AP3B1: variants seen among roughly 807,000 people sequenced by gnomAD.
AP3B1 encodes the protein adaptor related protein complex 3 subunit beta 1.
In AP3B1, 61 loss-of-function variants were observed where a neutral mutation model predicts 132.5. The observed-to-expected ratio is 0.46, with a 90% confidence interval of 0.37 to 0.57. AP3B1 has a LOEUF of 0.57. Ranked by LOEUF, AP3B1 falls within the 20% of genes least tolerant of loss-of-function variation. The pLI, the probability that AP3B1 is intolerant of heterozygous loss-of-function variation, is 0.00. For synonymous variants in AP3B1, 388 were observed against 438.3 expected, an observed-to-expected ratio of 0.89 and a Z score of 1.43; for missense variants, 1,120 against 1,289.4, an observed-to-expected ratio of 0.87 and a Z score of 2.01.
At chr5:78,239,123 A>G (rs1048351632) in intron 3 of AP3B1, among the ~76,000 whole-genome samples, 2 of 152,102 alleles carry the variant, frequency 1.3e-5, no homozygotes, top group African/African-American at 4.8e-5. Context: ...TATGCCTAAT[A>G]GGAGTACTTT....
chr5:78,003,112 G>T, intron 26 of AP3B1, 57 bp from the exon 27 acceptor site: 1 of 1,563,844 alleles, frequency 6.4e-7, no homozygotes, highest in Non-Finnish European at 8.8e-7. Context: ...AAAGGAGATA[G>T]CATACATTCA....
At chr5:78,038,315 T>TCTATA (rs1344415782) in intron 23 of AP3B1, among the ~76,000 whole-genome samples, 11 of 152,202 alleles carry the variant, frequency 7.2e-5, no homozygotes, top group African/African-American at 2.7e-4. Context: ...TACTGTATAT[T>TCTATA]CTATACATGG....
chr5:78,019,591 C>T (rs1475141903), intron 25 of AP3B1, among the ~76,000 whole-genome samples: 1 of 152,088 alleles, frequency 6.6e-6, no homozygotes, highest in Non-Finnish European at 1.5e-5. Context: ...TAATTTTCCT[C>T]TATAGCAATA....
chr5:78,132,182 C>T (rs1167006407), intron 15 of AP3B1, among the ~76,000 whole-genome samples: 1 of 152,124 alleles, frequency 6.6e-6, no homozygotes, highest in Non-Finnish European at 1.5e-5. Flanking sequence ...GCTGAATAAG[C>T]AGTTTGTTCG....
chr5:78,205,499 T>C (rs528958936), intron 7 of AP3B1, among the ~76,000 whole-genome samples: 41 of 152,062 alleles, frequency 2.7e-4, no homozygotes, highest in Non-Finnish European at 4.7e-4. Flanking sequence ...TAAACTTTAC[T>C]GGCCCCTAAA....
chr5:78,153,102 T>C (rs1043099209), intron 14 of AP3B1, among the ~76,000 whole-genome samples: 4 of 152,214 alleles, frequency 2.6e-5, no homozygotes, highest in African/African-American at 9.7e-5. Context: ...TGGTATTCTG[T>C]CTGGAAGATC....
rs34733864 is a variant in AP3B1, at chr5:78,191,354, C to CAAAAAAA, written c.787-9699_787-9693dup. 1.4e-3 allele frequency among the ~76,000 whole-genome samples: 100 copies of CAAAAAAA among 72,832 alleles called. 1 individual carries two copies. Among genetic ancestry groups the CAAAAAAA allele is most frequent in the African/African-American group, 5.1e-3 (93 of 18,376 alleles). 47.8% of individuals were successfully genotyped at this position (72,832 alleles called of 152,430 possible). On this transcript the variant is annotated intron_variant, in intron 7 of 26. Coordinates refer to ENST00000255194, the MANE Select transcript of AP3B1 (RefSeq NM_003664.5). ...ATTGGCTTTTGGAATTGCTTTTCCC[C>CAAAAAAA]AAAAAAAAAAAAAAAAAAAAAAAGG...
At chr5:78,204,664 G>C (rs751115874) in intron 7 of AP3B1, among the ~76,000 whole-genome samples, 1 of 152,196 alleles carries the variant, frequency 6.6e-6, no homozygotes, top group South Asian at 2.1e-4. Context: ...AGGGAGTTAT[G>C]ATTTCAGCAA....
At chr5:78,266,861 C>T (rs1029092423) in intron 2 of AP3B1, among the ~76,000 whole-genome samples, 1 of 151,592 alleles carries the variant, frequency 6.6e-6, no homozygotes, top group African/African-American at 2.4e-5. Context: ...AATTGCAAAA[C>T]TATTTTACTA....
chr5:78,063,929 T>C (rs1749167268), intron 22 of AP3B1, among the ~76,000 whole-genome samples: 1 of 152,082 alleles, frequency 6.6e-6, no homozygotes, highest in African/African-American at 2.4e-5. Flanking sequence ...TTGTCAACTT[T>C]CTAATTAACA....
chr5:78,098,033 G>A (rs1030202537), intron 21 of AP3B1, among the ~76,000 whole-genome samples: 2 of 151,794 alleles, frequency 1.3e-5, no homozygotes, highest in African/African-American at 2.4e-5. Flanking sequence ...GGGTTAAATG[G>A]ATTAAGGGCG....
rs1747713510 is a variant in AP3B1 at position 78,034,454 on chromosome 5, T to C, written c.2810-9A>G. The C allele has an allele frequency of 6.3e-7, 1 of 1,592,384 alleles. No individual in the cohort carries two copies. Among genetic ancestry groups the C allele is most frequent in the Admixed American group, 1.7e-5 (1 of 59,914 alleles). On this transcript the variant is annotated splice_polypyrimidine_tract_variant and intron_variant, in intron 23 of 26. Coordinates refer to ENST00000255194, the MANE Select transcript of AP3B1 (RefSeq NM_003664.5). ...CTCAGGCTCAAGAGAGTCTAGGAAA[T>C]AAGATAATTTAGACATGAAAACACA...
intron 1 of AP3B1, among the ~76,000 whole-genome samples, chr5:78,293,248 G>A (rs12152966): frequency 0.25 from 38,729 of 152,058 alleles, 5,250 homozygotes; most frequent in Middle Eastern, 0.32. Context: ...ATTAATTTGC[G>A]AAACAGATTG....
At chr5:78,068,649 T>C (rs187227680) in intron 22 of AP3B1, among the ~76,000 whole-genome samples, 251 of 152,248 alleles carry the variant, frequency 1.6e-3, no homozygotes, top group Non-Finnish European at 2.6e-3. Flanking sequence ...CCAGATGGAT[T>C]TACAGCTGAA....
intron 13 of AP3B1, among the ~76,000 whole-genome samples, chr5:78,156,814 CT>C (rs1743169839): frequency 6.6e-6 from 1 of 152,062 alleles, no homozygotes. Context: ...AAAATTTTTC[CT>C]TAAGTGAAAT....
chr5:78,132,973 T>C (rs574172484), intron 15 of AP3B1, among the ~76,000 whole-genome samples: 1 of 152,294 alleles, frequency 6.6e-6, no homozygotes, highest in East Asian at 1.9e-4. Flanking sequence ...ACAAAACTAC[T>C]GTAGCAAGAG....
At chr5:78,122,060 G>A (rs937054329) in intron 17 of AP3B1, among the ~76,000 whole-genome samples, 1 of 152,094 alleles carries the variant, frequency 6.6e-6, no homozygotes, top group African/African-American at 2.4e-5. Flanking sequence ...ATCAATAAAT[G>A]TAATCCAGCA....
At chr5:78,169,420 T>C (rs1373566392) in intron 11 of AP3B1, among the ~76,000 whole-genome samples, 1 of 152,164 alleles carries the variant, frequency 6.6e-6, no homozygotes, top group Non-Finnish European at 1.5e-5. Flanking sequence ...CAAATATCTG[T>C]ATTACTTAAA....
intron 22 of AP3B1, among the ~76,000 whole-genome samples, chr5:78,086,298 C>T (rs1750249164): frequency 6.6e-6 from 1 of 152,102 alleles, no homozygotes; most frequent in Non-Finnish European, 1.5e-5. Context: ...TAAAGCTGCA[C>T]TAATGATGTA....
Sources: allele counts gnomAD v4.1 joint callset (sites outside exome capture counted in the v4.1 genomes callset), GRCh38; gene constraint gnomAD v4.1.1; transcripts MANE v1.5; gene names NCBI Gene and HGNC (gene_info 2026-07-23, HGNC 2026-07-21).